The following CDNF variants were observed in gnomAD, a reference collection of about 807,000 sequenced individuals.
The protein encoded by CDNF is cerebral dopamine neurotrophic factor, also known as ARMET-like protein 1.
In CDNF, 9 loss-of-function variants were observed where a neutral mutation model predicts 14.8. That is an observed-to-expected ratio of 0.61 (90% CI 0.37 to 1.06). The LOEUF is 1.06. Among genes scored for constraint, CDNF ranks in the 50% least tolerant of loss-of-function variants. The probability of loss-of-function intolerance (pLI) is 0.01; values close to 1 mark genes in which losing one functional copy is unlikely to be tolerated. For synonymous variants in CDNF, 86 were observed against 87.2 expected (o/e 0.99, Z 0.07); for missense variants, 228 against 228.4 (o/e 1.00, Z 0.01).
chr10:14,819,850 G>A lies in CDNF; in HGVS notation c.*130C>T. On this transcript the variant is annotated 3_prime_UTR_variant, in exon 4 of 4. Transcript: ENST00000465530. The stretch of plus-strand genomic sequence containing the variant: ...TAAACCCACGTAACAAAATTCTGAG[G>A]AATAATACCAACACAAAAAGCATGA... The A allele has an allele frequency of 1.1e-6, 1 of 907,280 alleles. No individual in the cohort carries two copies. The highest frequency in any genetic ancestry group is 1.7e-6 in the Non-Finnish European group (1 of 601,700). 56.2% of individuals were successfully genotyped at this position (907,280 alleles called of 1,614,324 possible).
chr10:14,833,420 C>G (rs1833862063), intron 1 of CDNF, among the ~76,000 whole-genome samples: 1 of 152,130 alleles, frequency 6.6e-6, no homozygotes, highest in South Asian at 2.1e-4. Context: ...GGTCTCCAGC[C>G]TGCTTGCCCA....
chr10:14,835,292 A>T (rs1252245052), intron 1 of CDNF, among the ~76,000 whole-genome samples: 2 of 152,058 alleles, frequency 1.3e-5, no homozygotes. Context: ...GAGAAGAGAG[A>T]AGAGAAGAGA....
chr10:14,837,857 C>T lies in CDNF; in HGVS notation c.90G>A (p.Gly30=). Residue 30 remains glycine (G), a synonymous_variant, in exon 1 of 4, where the codon GGG becomes GGA. Transcript: ENST00000465530. ...CTTCACAGTCGGCCCCTGGCCGCCC[C>T]CCGGCCTCCTGGCCCTGCGTCAGCA... ...HPVLTQGQEA[G]GRPGADCEVC... 1.9e-6 allele frequency: 3 copies of T among 1,600,512 alleles called. No homozygotes were observed. The highest frequency in any genetic ancestry group is 2.2e-5 in the South Asian group (2 of 89,386).
intron 1 of CDNF, among the ~76,000 whole-genome samples, chr10:14,829,619 G>GTT (rs201102760): frequency 6.6e-6 from 1 of 151,778 alleles, no homozygotes; most frequent in Non-Finnish European, 1.5e-5. Context: ...AGTCTTCAGA[G>GTT]TTTTTTTTGT....
intron 1 of CDNF, among the ~76,000 whole-genome samples, chr10:14,831,561 C>T (rs1833843900): frequency 6.7e-6 from 1 of 149,632 alleles, no homozygotes; most frequent in African/African-American, 2.5e-5. Flanking sequence ...CACACACACA[C>T]ACACACATAT....
At chr10:14,830,462 G>A (rs1018663285) in intron 1 of CDNF, among the ~76,000 whole-genome samples, 1 of 152,168 alleles carries the variant, frequency 6.6e-6, no homozygotes, top group African/African-American at 2.4e-5. Flanking sequence ...AGGGGTTCAT[G>A]ACTTTTCTAA....
chr10:14,834,675 A>G (rs1282740848), intron 1 of CDNF, among the ~76,000 whole-genome samples: 1 of 152,176 alleles, frequency 6.6e-6, no homozygotes, highest in African/African-American at 2.4e-5. Flanking sequence ...GCTGCTGGAC[A>G]TGAGGTGGTG....
intron 1 of CDNF, among the ~76,000 whole-genome samples, chr10:14,830,142 C>T (rs924483668): frequency 6.6e-6 from 1 of 152,186 alleles, no homozygotes; most frequent in Non-Finnish European, 1.5e-5. Context: ...CTGCTTTAAA[C>T]TAAATATATA....
chr10:14,834,248 G>A (rs1833868689), intron 1 of CDNF: 1 of 152,126 alleles, frequency 6.6e-6, no homozygotes, highest in African/African-American at 2.4e-5. Context: ...GGCTGAGGAG[G>A]GAGGATCACT....
In CDNF at chr10:14,820,863, G is replaced by T. The variant is rs146460480; in HGVS notation, c.386-705C>A. 5.9e-5 allele frequency among the ~76,000 whole-genome samples: 9 copies of T among 152,308 alleles called. No individual in the cohort carries two copies. In the East Asian group the frequency reaches 1.7e-3, roughly 29 times the overall value. ...GGAGGGGCCTGTTGGAAGGTGATTG[G>T]ATCATGGGGGTGGACTTCACCCTAG... On this transcript the variant is annotated intron_variant, in intron 3 of 3. Transcript: ENST00000465530.
intron 3 of CDNF, among the ~76,000 whole-genome samples, chr10:14,824,846 G>T (rs571701529): frequency 6.6e-6 from 1 of 152,212 alleles, no homozygotes; most frequent in East Asian, 1.9e-4. Flanking sequence ...AGATTACCAA[G>T]ATCCAAATCA....
intron 1 of CDNF, among the ~76,000 whole-genome samples, chr10:14,832,050 T>C (rs1833848403): frequency 6.6e-6 from 1 of 152,110 alleles, no homozygotes; most frequent in African/African-American, 2.4e-5. Context: ...TTACATCCGA[T>C]AGAAGTAAAG....
At chr10:14,829,704 T>C (rs1833828687) in intron 1 of CDNF, among the ~76,000 whole-genome samples, 1 of 152,080 alleles carries the variant, frequency 6.6e-6, no homozygotes, top group African/African-American at 2.4e-5. Context: ...ATCTCAACTC[T>C]CTGCAACCTC....
rs1448859126 is a variant in CDNF at position 14,826,114 on chromosome 10, AGCAGC to A, written c.244-499_244-495del. On this transcript the variant is annotated intron_variant, in intron 2 of 3. Coordinates refer to ENST00000465530, the MANE Select transcript of CDNF (RefSeq NM_001029954.3). The stretch of plus-strand genomic sequence containing the variant: ...AAGAAGAAGCAGCAGCAGCAGCAGC[AGCAGC>A]AGCAGAAGCAGGAGAAGGAGAAGGA... Among the ~76,000 whole-genome samples the A allele has an allele frequency of 8.4e-3, 1,155 of 138,166 alleles. 60 individuals carry two copies. Among genetic ancestry groups the A allele is most frequent in the African/African-American group, 0.019 (646 of 34,906 alleles). The allele number at this position is 138,166 out of a possible 152,430, so 90.6% of individuals were successfully genotyped here.
At chr10:14,823,533 CTATT>C (rs1193789540) in intron 3 of CDNF, among the ~76,000 whole-genome samples, 1 of 152,012 alleles carries the variant, frequency 6.6e-6, no homozygotes, top group Non-Finnish European at 1.5e-5. Context: ...TTTATTTTAT[CTATT>C]TATTTTTCAG....
At chr10:14,832,511 G>A (rs1208010127) in intron 1 of CDNF, among the ~76,000 whole-genome samples, 1 of 152,206 alleles carries the variant, frequency 6.6e-6, no homozygotes, top group African/African-American at 2.4e-5. Flanking sequence ...TCTGAAGGCT[G>A]TCTGAAGAAT....
In CDNF at chr10:14,837,928, C is replaced by A; in HGVS notation, c.19G>T (p.Val7Phe). Residue 7 changes from valine (V) to phenylalanine (F), a missense_variant, in exon 1 of 4, where the codon GTT becomes TTT. Coordinates refer to ENST00000465530, the MANE Select transcript of CDNF (RefSeq NM_001029954.3). ...CCGGCGCAAAAGGCCACCACAGCAA[C>A]TGGGCTCGCGCACCACATGCTGGGC... Reference protein sequence around the residue: MWCASPVAVVAFCAGLL... With the variant: MWCASPFAVVAFCAGLL... 6.2e-7 allele frequency: 1 copy of A among 1,602,592 alleles called. No individual in the cohort carries two copies.
Position 14,825,552 on chromosome 10 carries a change from A to G in CDNF, c.312T>C (p.Ser104=). ...AAATCTTCATTGCAGGCATATGCAC[A>G]CTCATTGGGCGAGTGACTTCACTTA... ...KILSEVTRPM[S]VHMPAMKICE... The change falls in exon 3 of 4, where the codon AGT becomes AGC. Residue 104 remains serine (S), a synonymous_variant. Coordinates refer to ENST00000465530, the MANE Select transcript of CDNF (RefSeq NM_001029954.3). 6.2e-7 allele frequency: 1 copy of G among 1,614,002 alleles called. No homozygotes were observed. Among genetic ancestry groups the G allele is most frequent in the Non-Finnish European group, 8.5e-7 (1 of 1,179,990 alleles).
chr10:14,822,898 A>C (rs1350451188), intron 3 of CDNF, among the ~76,000 whole-genome samples: 1 of 152,218 alleles, frequency 6.6e-6, no homozygotes, highest in Non-Finnish European at 1.5e-5. Flanking sequence ...TTTTATAGTG[A>C]TTCCCTATCC....
Sources: gnomAD v4.1 joint callset for allele counts (sites outside exome capture counted in the v4.1 genomes callset) on GRCh38, gnomAD v4.1.1 for gene constraint, MANE v1.5 for transcripts, NCBI Gene and HGNC (gene_info 2026-07-23, HGNC 2026-07-21) for gene names.